Variants in SPMIP7 observed in about 807,000 individuals in gnomAD.
The protein encoded by SPMIP7 is sperm microtubule inner protein 7.
the SPMIP7 span, among the ~76,000 whole-genome samples, chr7:50,149,960 A>G: frequency 3.0e-3 from 460 of 152,238 alleles, 2 homozygotes; most frequent in African/African-American, 0.011. Context: ...CCAAAAGACT[A>G]TGTCCAGTCC....
the SPMIP7 span, among the ~76,000 whole-genome samples, chr7:50,114,238 T>C: frequency 6.6e-6 from 1 of 152,088 alleles, no homozygotes; most frequent in African/African-American, 2.4e-5. Flanking sequence ...GGTAAACATA[T>C]GGGTAAATAT....
chr7:50,136,944 A>T, the SPMIP7 span, among the ~76,000 whole-genome samples: 2 of 152,206 alleles, frequency 1.3e-5, no homozygotes, highest in South Asian at 4.1e-4. Context: ...TAGAAATAAA[A>T]TATTACTTAC....
chr7:50,096,232 C>T, the SPMIP7 span: 1 of 1,551,788 alleles, frequency 6.4e-7, no homozygotes, highest in African/African-American at 1.4e-5. Flanking sequence ...GTCTTGAGAA[C>T]AGACATAACT....
chr7:50,152,505 T>C, the SPMIP7 span, among the ~76,000 whole-genome samples: 1 of 152,100 alleles, frequency 6.6e-6, no homozygotes, highest in Non-Finnish European at 1.5e-5. Context: ...GTTTTGAAAA[T>C]GCAAACACAG....
the SPMIP7 span, among the ~76,000 whole-genome samples, chr7:50,114,617 GA>G: frequency 6.6e-6 from 1 of 151,728 alleles, no homozygotes; most frequent in Admixed American, 6.6e-5. Context: ...TAACACAAAA[GA>G]AAAATAGAGA....
At chr7:50,128,715 A>G in the SPMIP7 span, among the ~76,000 whole-genome samples, 1 of 152,040 alleles carries the variant, frequency 6.6e-6, no homozygotes, top group South Asian at 2.1e-4. Context: ...CACAGAATGA[A>G]AAGTCCAGTA....
chr7:50,117,945 A>G, the SPMIP7 span, among the ~76,000 whole-genome samples: 4 of 152,214 alleles, frequency 2.6e-5, no homozygotes, highest in Non-Finnish European at 4.4e-5. Flanking sequence ...CTAGCCTCTT[A>G]TCATCACGAA....
chr7:50,115,612 TG>T, the SPMIP7 span, among the ~76,000 whole-genome samples: 1 of 152,126 alleles, frequency 6.6e-6, no homozygotes, highest in Non-Finnish European at 1.5e-5. Flanking sequence ...AAAAGATGCC[TG>T]GTAAAAAATA....
chr7:50,104,610 C>A, the SPMIP7 span, among the ~76,000 whole-genome samples: 2 of 152,138 alleles, frequency 1.3e-5, no homozygotes, highest in African/African-American at 4.8e-5. Context: ...TACCTTGCAC[C>A]ATTCCCACAA....
the SPMIP7 span, among the ~76,000 whole-genome samples, chr7:50,156,676 T>A: frequency 6.6e-6 from 1 of 151,602 alleles, no homozygotes; most frequent in African/African-American, 2.4e-5. Flanking sequence ...CTGTCTCCCT[T>A]TTCCCCCAGG....
chr7:50,101,402 T>G, the SPMIP7 span, among the ~76,000 whole-genome samples: 4 of 152,236 alleles, frequency 2.6e-5, no homozygotes, highest in African/African-American at 9.6e-5. Flanking sequence ...AGTGAGGCCT[T>G]TTTTGAACCT....
chr7:50,107,462 A>C, the SPMIP7 span, among the ~76,000 whole-genome samples: 1 of 151,570 alleles, frequency 6.6e-6, no homozygotes, highest in African/African-American at 2.4e-5. Flanking sequence ...TACAATAAAC[A>C]AAGAACTTTA....
the SPMIP7 span, among the ~76,000 whole-genome samples, chr7:50,110,580 C>T: frequency 7.1e-6 from 1 of 140,872 alleles, no homozygotes; most frequent in African/African-American, 2.6e-5. Context: ...ATATTTACTA[C>T]ATTTACATTT....
the SPMIP7 span, among the ~76,000 whole-genome samples, chr7:50,151,043 G>T: frequency 6.6e-6 from 1 of 152,202 alleles, no homozygotes; most frequent in Non-Finnish European, 1.5e-5. Flanking sequence ...ATAAATGTAA[G>T]AGTGTATATT....
chr7:50,154,861 T>C, the SPMIP7 span, among the ~76,000 whole-genome samples: 4 of 152,210 alleles, frequency 2.6e-5, no homozygotes, highest in Admixed American at 6.5e-5. Context: ...TCAACACTTA[T>C]TATCTCTTGT....
At chr7:50,141,653 A>G in the SPMIP7 span, 266,724 of 327,626 alleles carry the variant, frequency 0.81, 109,079 homozygotes, top group East Asian at 0.91. Flanking sequence ...GCCACCAAGC[A>G]AGGTGATCGT....
At chr7:50,122,688 A>G in the SPMIP7 span, among the ~76,000 whole-genome samples, 2 of 151,194 alleles carry the variant, frequency 1.3e-5, no homozygotes, top group South Asian at 2.1e-4. Flanking sequence ...GCTAATATCC[A>G]GAATCTACAA....
the SPMIP7 span, among the ~76,000 whole-genome samples, chr7:50,126,253 G>A: frequency 6.6e-6 from 1 of 151,820 alleles, no homozygotes; most frequent in African/African-American, 2.4e-5. Context: ...AAAAGATAAA[G>A]GAATATTACA....
At chr7:50,129,386 A>G in the SPMIP7 span, among the ~76,000 whole-genome samples, 14 of 152,086 alleles carry the variant, frequency 9.2e-5, no homozygotes, top group Non-Finnish European at 2.1e-4. Context: ...TATTAGAAGA[A>G]AAGACAATAC....
Sources: gnomAD v4.1 joint callset for allele counts (sites outside exome capture counted in the v4.1 genomes callset) on GRCh38, gnomAD v4.1.1 for gene constraint, MANE v1.5 for transcripts, NCBI Gene and HGNC (gene_info 2026-07-23, HGNC 2026-07-21) for gene names.